SMC4: variants seen among roughly 807,000 people sequenced by gnomAD.
The protein encoded by SMC4 is structural maintenance of chromosomes protein 4.
Under a neutral mutation model 145.6 loss-of-function variants are expected in SMC4, and 87 were observed. The ratio of observed to expected loss-of-function variants is 0.60; its 90% CI spans 0.50 to 0.71. The LOEUF (loss-of-function observed/expected upper bound fraction) is 0.71, where lower values mean the gene tolerates loss of function less well. SMC4 is among the 30% of genes least tolerant of loss of function. The pLI is 0.00. For synonymous variants in SMC4, 558 were observed against 500.7 expected, an observed-to-expected ratio of 1.11 and a Z score of -1.53; for missense variants, 1,447 against 1,537.1, an observed-to-expected ratio of 0.94 and a Z score of 0.98.
At chr3:160,414,604 A>G (rs1716395720) in intron 9 of SMC4, 87 bp downstream of exon 9, 2 of 1,183,562 alleles carry the variant, frequency 1.7e-6, no homozygotes, top group Admixed American at 2.2e-5. Flanking sequence ...ATTGCCTAAG[A>G]GAATGAATTA....
At chr3:160,416,002 C>T (rs141046194) in intron 9 of SMC4, among the ~76,000 whole-genome samples, 2 of 152,124 alleles carry the variant, frequency 1.3e-5, no homozygotes, top group African/African-American at 4.8e-5. Flanking sequence ...GACCTGAGGC[C>T]CTGCCAGAGA....
intron 5 of SMC4, among the ~76,000 whole-genome samples, chr3:160,410,709 C>T (rs1715890060): frequency 6.6e-6 from 1 of 151,966 alleles, no homozygotes; most frequent in Non-Finnish European, 1.5e-5. Context: ...GCTGTTTTGT[C>T]CACTGTTATT....
Position 160,430,681 on chromosome 3 carries a change from G to A in SMC4, c.2878G>A (p.Ala960Thr), listed in dbSNP as rs1285622324. The A allele has an allele frequency of 6.2e-7, 1 of 1,613,778 alleles. No homozygotes were observed. Among genetic ancestry groups the A allele is most frequent in the South Asian group, 1.1e-5 (1 of 91,046 alleles). The change falls in exon 19 of 24, where the codon GCA becomes ACA. Residue 960 changes from alanine (A) to threonine (T), a missense_variant. Coordinates refer to ENST00000357388, the MANE Select transcript of SMC4 (RefSeq NM_001002800.3). ...DTEKEVDDLT[A>T]ELKSLEDKAA... is the part of the protein sequence containing the mutation. ...TGAGAAAGAGGTGGATGACCTAACAGCAGAGCTGAAAAGTCTTGAGGACAA... is the reference window on the plus strand; with the variant it reads ...TGAGAAAGAGGTGGATGACCTAACAACAGAGCTGAAAAGTCTTGAGGACAA...
intron 13 of SMC4, among the ~76,000 whole-genome samples, chr3:160,422,726 C>T (rs183296183): frequency 2.0e-4 from 31 of 152,244 alleles, no homozygotes; most frequent in Non-Finnish European, 3.1e-4. Flanking sequence ...AAACCACTGC[C>T]TAATCCAAGG....
At position 160,423,723 on chromosome 3, in the gene SMC4, G is replaced by C. The variant is rs756760930; in HGVS notation, c.2246-38G>C. ...ATTGACTTTATTTAATCTTGTTGGG[G>C]AGACATCTGAAGCTGACTTCTCTCC... On this transcript the variant is annotated intron_variant, in intron 14 of 23. Coordinates refer to ENST00000357388, the MANE Select transcript of SMC4 (RefSeq NM_001002800.3). 2.2e-5 allele frequency: 36 copies of C among 1,604,716 alleles called. No individual in the cohort carries two copies. In the South Asian group the frequency reaches 3.7e-4, roughly 16 times the overall value.
At chr3:160,413,159 T>C (rs1013488993) in intron 7 of SMC4, among the ~76,000 whole-genome samples, 1 of 152,088 alleles carries the variant, frequency 6.6e-6, no homozygotes, top group African/African-American at 2.4e-5. Flanking sequence ...CTTTTTTCTT[T>C]TTTTGGTAGA....
chr3:160,410,608 T>C (rs1715877412), intron 5 of SMC4, among the ~76,000 whole-genome samples: 1 of 152,258 alleles, frequency 6.6e-6, no homozygotes, highest in Non-Finnish European at 1.5e-5. Context: ...CAGTTTTACT[T>C]TGATAATCAT....
intron 4 of SMC4, 33 bp downstream of exon 4, chr3:160,402,900 A>T (rs762290715): frequency 6.1e-6 from 9 of 1,470,286 alleles, no homozygotes; most frequent in Non-Finnish European, 8.2e-6. Context: ...GGCAAGTTCA[A>T]GTAAGGAAAA....
At chr3:160,412,569 T>C (rs1317901592) in intron 7 of SMC4, 116 bp downstream of exon 7, 10 of 1,374,604 alleles carry the variant, frequency 7.3e-6, no homozygotes, top group African/African-American at 1.5e-5. Context: ...TCTCTAAATA[T>C]TGTTTTGTGT....
At chr3:160,415,023 T>C (rs1348104027) in intron 9 of SMC4, among the ~76,000 whole-genome samples, 1 of 152,250 alleles carries the variant, frequency 6.6e-6, no homozygotes, top group Non-Finnish European at 1.5e-5. Context: ...CTTAAAAATA[T>C]TGCCTGTCTT....
At chr3:160,417,661 C>G in intron 10 of SMC4, 62 bp from the exon 11 acceptor site, 1 of 1,229,554 alleles carries the variant, frequency 8.1e-7, no homozygotes, top group Non-Finnish European at 1.2e-6. Flanking sequence ...TGTATGGTTT[C>G]ATTTCAGTGT....
rs1412667005 is a variant in SMC4 at position 160,402,723 on chromosome 3, T to A, written c.366T>A (p.Val122=). 6.2e-7 allele frequency: 1 copy of A among 1,611,528 alleles called. No homozygotes were observed. The highest frequency in any genetic ancestry group is 8.5e-7 in the Non-Finnish European group (1 of 1,179,454). The part of the protein sequence containing the change: ...IGPNGSGKSN[V]IDSMLFVFGY... ...CAAATGGCAGTGGCAAATCCAATGT[T>A]ATTGATTCTATGCTTTTTGTGTTTG... Residue 122 remains valine (V), a synonymous_variant, in exon 4 of 24, where the codon GTT becomes GTA. Transcript: ENST00000357388.
Position 160,403,195 on chromosome 3 carries a change from G to A in SMC4, c.510+328G>A, listed in dbSNP as rs537290295. On this transcript the variant is annotated intron_variant, in intron 4 of 23. Coordinates refer to ENST00000357388, the MANE Select transcript of SMC4 (RefSeq NM_001002800.3). The stretch of plus-strand genomic sequence containing the variant: ...TTAAAGTTATATTTTGATTGCTTTA[G>A]AATAAATTAGCTAAACTTGAAAATG... 7.2e-5 allele frequency among the ~76,000 whole-genome samples: 11 copies of A among 152,194 alleles called. No homozygotes were observed. In the South Asian group the frequency reaches 2.3e-3, roughly 32 times the overall value.
chr3:160,400,002 T>A (rs1161884402), intron 1 of SMC4: 1 of 152,178 alleles, frequency 6.6e-6, no homozygotes. Context: ...TCGCAGATCT[T>A]TTCTTTAAAA....
rs765016557 is a variant in SMC4, at chr3:160,431,129, G to C, written c.3038G>C (p.Ser1013Thr). The change falls in exon 20 of 24, where the codon AGT becomes ACT. Residue 1013 changes from serine (S) to threonine (T), a missense_variant. Transcript: ENST00000357388. ...NEHALQKDAL[S>T]IKLKLEQIDG... ...CATGCTCTTCAAAAAGATGCACTTA[G>C]TATTAAGTTGAAACTTGAACAAATA... is the stretch of plus-strand genomic sequence containing the variant. 1 of 1,606,074 alleles carries C rather than the reference G, an allele frequency of 6.2e-7. No homozygotes were observed. The highest frequency in any genetic ancestry group is 1.1e-5 in the South Asian group (1 of 88,842).
Position 160,402,711 on chromosome 3 carries a change from C to T in SMC4, c.354C>T (p.Gly118=), listed in dbSNP as rs1714838946. ...GTATTATCGGGCCAAATGGCAGTGG[C>T]AAATCCAATGTTATTGATTCTATGC... ...FSCIIGPNGS[G]KSNVIDSMLF... Residue 118 remains glycine, a synonymous_variant, in exon 4 of 24, where the codon GGC becomes GGT. Coordinates refer to ENST00000357388, the MANE Select transcript of SMC4 (RefSeq NM_001002800.3). The T allele has an allele frequency of 1.2e-6, 2 of 1,608,196 alleles. No homozygotes were observed. Among genetic ancestry groups the T allele is most frequent in the Non-Finnish European group, 1.7e-6 (2 of 1,178,514 alleles).
At chr3:160,407,088 C>T (rs1375279497) in intron 5 of SMC4, among the ~76,000 whole-genome samples, 2 of 152,086 alleles carry the variant, frequency 1.3e-5, no homozygotes, top group African/African-American at 2.4e-5. Context: ...TTGCTCCATT[C>T]AGGGGTAGAA....
chr3:160,410,026 A>AGT (rs1715808167), intron 5 of SMC4, among the ~76,000 whole-genome samples: 3 of 152,156 alleles, frequency 2.0e-5, no homozygotes, highest in African/African-American at 7.2e-5. Flanking sequence ...CAGTGAGCTG[A>AGT]GACCACACCA....
chr3:160,400,689 G>C, intron 1 of SMC4, 133 bp from the exon 2 acceptor site: 1 of 1,177,466 alleles, frequency 8.5e-7, no homozygotes, highest in Non-Finnish European at 1.1e-6. Context: ...CTCCCTTCCC[G>C]AAGTCCCGCT....
Sources: gnomAD v4.1 joint callset for allele counts (sites outside exome capture counted in the v4.1 genomes callset) on GRCh38, gnomAD v4.1.1 for gene constraint, MANE v1.5 for transcripts, NCBI Gene and HGNC (gene_info 2026-07-23, HGNC 2026-07-21) for gene names.